ALCAM: variants seen among roughly 807,000 people sequenced by gnomAD.
ALCAM encodes the protein activated leukocyte cell adhesion molecule, also known as CD166 antigen.
In ALCAM, 30 loss-of-function variants were observed where a neutral mutation model predicts 70.9. The ratio of observed to expected loss-of-function variants is 0.42; its 90% CI spans 0.32 to 0.57. The LOEUF is 0.57. ALCAM is among the 20% of genes least tolerant of loss of function. The pLI, the probability that ALCAM is intolerant of heterozygous loss-of-function variation, is 0.11. For missense variants in ALCAM, 591 were observed against 695.1 expected, an observed-to-expected ratio of 0.85 and a Z score of 1.68; for synonymous variants, 249 against 242.5, an observed-to-expected ratio of 1.03 and a Z score of -0.25.
chr3:105,444,465 T>G (rs2164955), intron 1 of ALCAM, among the ~76,000 whole-genome samples: 1 of 151,616 alleles, frequency 6.6e-6, no homozygotes, highest in African/African-American at 2.4e-5. Context: ...ATACAATCAC[T>G]GCCCACTTGG....
intron 1 of ALCAM, among the ~76,000 whole-genome samples, chr3:105,494,658 C>T (rs1378255440): frequency 6.6e-6 from 1 of 151,520 alleles, no homozygotes; most frequent in African/African-American, 2.4e-5. Flanking sequence ...TTCCTTCCTT[C>T]CTTCCTTCTT....
At chr3:105,530,249 G>A (rs1939805520) in intron 3 of ALCAM, among the ~76,000 whole-genome samples, 2 of 151,898 alleles carry the variant, frequency 1.3e-5, no homozygotes, top group Non-Finnish European at 2.9e-5. Context: ...TTAGATATTT[G>A]CCTTTTTAAA....
In ALCAM at chr3:105,402,170, T is replaced by C. The variant is rs538282341; in HGVS notation, c.73+34689T>C. ...TTAGATAATATAGTGATTTCATTTATACTCAATGGAAATATTCCATCAAGA... is the reference window on the plus strand; with the variant it reads ...TTAGATAATATAGTGATTTCATTTACACTCAATGGAAATATTCCATCAAGA... On this transcript the variant is annotated intron_variant, in intron 1 of 15. Coordinates refer to ENST00000306107, the MANE Select transcript of ALCAM (RefSeq NM_001627.4). Among the ~76,000 whole-genome samples the C allele has an allele frequency of 1.5e-3, 234 of 152,326 alleles. 1 individual carries two copies. The highest frequency in any genetic ancestry group is 2.7e-3 in the Non-Finnish European group (186 of 68,028).
At chr3:105,410,469 A>T (rs1207282720) in intron 1 of ALCAM, among the ~76,000 whole-genome samples, 3 of 151,688 alleles carry the variant, frequency 2.0e-5, no homozygotes, top group Non-Finnish European at 4.4e-5. Flanking sequence ...ATGTAGTACC[A>T]CTCTGAGTGT....
chr3:105,445,173 A>G (rs1397909371), intron 1 of ALCAM, among the ~76,000 whole-genome samples: 1 of 152,182 alleles, frequency 6.6e-6, no homozygotes, highest in Non-Finnish European at 1.5e-5. Context: ...AGTAAATGTT[A>G]GTTAATACAT....
intron 6 of ALCAM, among the ~76,000 whole-genome samples, chr3:105,535,590 T>G (rs140367306): frequency 6.6e-6 from 1 of 152,240 alleles, no homozygotes; most frequent in East Asian, 1.9e-4. Context: ...TAACTGATAG[T>G]GTTGTTATAG....
At position 105,545,351 on chromosome 3, in the gene ALCAM, G is replaced by T; in HGVS notation, c.1104+16G>T. The stretch of plus-strand genomic sequence containing the variant: ...ATGGATGAAAGTAAGTAATATTTTT[G>T]GTACTACCCTGCTGTTTGGTTTGAT... On this transcript the variant is annotated intron_variant, in intron 9 of 15. Coordinates refer to ENST00000306107, the MANE Select transcript of ALCAM (RefSeq NM_001627.4). 1 of 1,559,090 alleles carries T rather than the reference G, an allele frequency of 6.4e-7. No individual in the cohort carries two copies. The highest frequency in any genetic ancestry group is 1.1e-5 in the South Asian group (1 of 89,872).
At chr3:105,435,424 T>C (rs986590211) in intron 1 of ALCAM, among the ~76,000 whole-genome samples, 4 of 152,212 alleles carry the variant, frequency 2.6e-5, no homozygotes, top group African/African-American at 9.6e-5. Context: ...GAGAGCACAT[T>C]ATGACTGTCA....
intron 1 of ALCAM, among the ~76,000 whole-genome samples, chr3:105,412,595 G>A (rs1263989855): frequency 2.0e-5 from 3 of 152,076 alleles, no homozygotes; most frequent in Non-Finnish European, 2.9e-5. Flanking sequence ...AATGTTGAAA[G>A]TGTCATATTG....
chr3:105,374,741 C>T (rs1426526306), intron 1 of ALCAM, among the ~76,000 whole-genome samples: 1 of 152,124 alleles, frequency 6.6e-6, no homozygotes, highest in Non-Finnish European at 1.5e-5. Context: ...TGGTCTGGAA[C>T]TCCTGGCCTC....
chr3:105,397,886 C>T (rs1401457099), intron 1 of ALCAM, among the ~76,000 whole-genome samples: 1 of 151,934 alleles, frequency 6.6e-6, no homozygotes, highest in East Asian at 1.9e-4. Flanking sequence ...TTAATAAAAG[C>T]TTTCTTAACT....
At chr3:105,455,518 A>G (rs879650936) in intron 1 of ALCAM, among the ~76,000 whole-genome samples, 8 of 152,144 alleles carry the variant, frequency 5.3e-5, no homozygotes, top group Non-Finnish European at 1.2e-4. Flanking sequence ...TAAGGTAGAA[A>G]TGGTACACAC....
chr3:105,532,185 G>C (rs1025479397), intron 4 of ALCAM, 119 bp downstream of exon 4: 1 of 829,896 alleles, frequency 1.2e-6, no homozygotes, highest in East Asian at 2.5e-5. Flanking sequence ...CAGTGTTGCA[G>C]CTACCAATCA....
chr3:105,481,999 T>C (rs1938283417), intron 1 of ALCAM, among the ~76,000 whole-genome samples: 1 of 149,384 alleles, frequency 6.7e-6, no homozygotes. Context: ...ACAGATTTCG[T>C]AGCCGTAGAC....
chr3:105,534,029 A>C (rs1239756002), intron 5 of ALCAM, among the ~76,000 whole-genome samples: 4 of 152,164 alleles, frequency 2.6e-5, no homozygotes, highest in African/African-American at 4.8e-5. Flanking sequence ...GTGACAGATC[A>C]TCAGGCATCA....
At chr3:105,482,609 C>G (rs1938303867) in intron 1 of ALCAM, among the ~76,000 whole-genome samples, 1 of 152,088 alleles carries the variant, frequency 6.6e-6, no homozygotes, top group Non-Finnish European at 1.5e-5. Flanking sequence ...ATGTCTGAGA[C>G]CAGGCCAGAA....
chr3:105,471,762 A>G (rs921115280), intron 1 of ALCAM, among the ~76,000 whole-genome samples: 2 of 151,308 alleles, frequency 1.3e-5, no homozygotes, highest in East Asian at 1.9e-4. Flanking sequence ...CTAATTAACA[A>G]ATGTGTTACC....
In ALCAM at chr3:105,462,656, A is replaced by G. The variant is rs141288440; in HGVS notation, c.74-57411A>G. 8.6e-5 allele frequency among the ~76,000 whole-genome samples: 13 copies of G among 151,584 alleles called. No individual in the cohort carries two copies. In the East Asian group the frequency reaches 2.5e-3, roughly 29 times the overall value. On this transcript the variant is annotated intron_variant, in intron 1 of 15. Transcript: ENST00000306107. ...AACTTTATTCAAGTGTTCATTGCCCATAGCAAAGTAAATTATAGAACAGAA... is the reference window on the plus strand; with the variant it reads ...AACTTTATTCAAGTGTTCATTGCCCGTAGCAAAGTAAATTATAGAACAGAA...
At chr3:105,401,374 A>G (rs547753060) in intron 1 of ALCAM, among the ~76,000 whole-genome samples, 3 of 152,344 alleles carry the variant, frequency 2.0e-5, no homozygotes, top group African/African-American at 4.8e-5. Flanking sequence ...GGGCTGAGAC[A>G]CAGGAGCAGC....
Sources: gnomAD v4.1 joint callset for allele counts (sites outside exome capture counted in the v4.1 genomes callset) on GRCh38, gnomAD v4.1.1 for gene constraint, MANE v1.5 for transcripts, NCBI Gene and HGNC (gene_info 2026-07-23, HGNC 2026-07-21) for gene names.